Variants in JAKMIP1 observed in about 807,000 individuals in gnomAD.
JAKMIP1 encodes the protein janus kinase and microtubule interacting protein 1.
JAKMIP1 carries 33 observed loss-of-function variants against 113.0 expected under a neutral mutation model. The ratio of observed to expected loss-of-function variants is 0.29; its 90% CI spans 0.22 to 0.39. The LOEUF is 0.39. Among genes scored for constraint, JAKMIP1 ranks in the 10% least tolerant of loss-of-function variants. The probability of loss-of-function intolerance (pLI) is 1.00; values close to 1 mark genes in which losing one functional copy is unlikely to be tolerated. For missense variants in JAKMIP1, 813 were observed against 1,080.5 expected, an observed-to-expected ratio of 0.75 and a Z score of 3.47; for synonymous variants, 480 against 459.9, an observed-to-expected ratio of 1.04 and a Z score of -0.56.
intron 19 of JAKMIP1, 126 bp downstream of exon 19, chr4:6,035,778 C>G: frequency 1.2e-6 from 1 of 815,524 alleles, no homozygotes; most frequent in Non-Finnish European, 1.9e-6. Context: ...TTCTTGGAAA[C>G]TTGCTTTACC....
rs534914872 is a variant in JAKMIP1 at position 6,064,382 on chromosome 4, C to A, written c.1431+498G>T. 6.6e-6 allele frequency among the ~76,000 whole-genome samples: 1 copy of A among 152,124 alleles called. No individual in the cohort carries two copies. Among genetic ancestry groups the A allele is most frequent in the Non-Finnish European group, 1.5e-5 (1 of 68,016 alleles). On this transcript the variant is annotated intron_variant, in intron 9 of 20. Coordinates refer to ENST00000409021, the MANE Select transcript of JAKMIP1 (RefSeq NM_001099433.2). The surrounding 1 kb of genome is among the most constrained non-coding windows in gnomAD (Gnocchi z 4.3). ...CACAGGTGGTCAGGACAGGGTGAGG[C>A]GGTGACCTTGGGGTGATGGGACTTC...
chr4:6,033,076 C>A (rs1418815536), intron 19 of JAKMIP1, among the ~76,000 whole-genome samples: 3 of 152,218 alleles, frequency 2.0e-5, no homozygotes, highest in South Asian at 2.1e-4. Flanking sequence ...CAGGCAGAAC[C>A]TTTTACAAAA....
Position 6,200,020 on chromosome 4 carries a change from TGAAGA to T in JAKMIP1, c.-148+228_-148+232del, listed in dbSNP as rs1728276521. Reference sequence around the variant, plus strand: ...GGCTGGGAGATTTTGCAAGGGGGTCTGAAGAGGAGTGGGGGATGGGTATGGAAGGG... The same window carrying T: ...GGCTGGGAGATTTTGCAAGGGGGTCTGGAGTGGGGGATGGGTATGGAAGGG... On this transcript the variant is annotated intron_variant, in intron 1 of 20. Coordinates refer to ENST00000409021, the MANE Select transcript of JAKMIP1 (RefSeq NM_001099433.2). The surrounding 1 kb of genome is among the most constrained non-coding windows in gnomAD (Gnocchi z 7.0). Among the ~76,000 whole-genome samples the T allele has an allele frequency of 3.5e-5, 3 of 86,194 alleles. No homozygotes were observed. In the South Asian group the frequency reaches 1.2e-3, roughly 34 times the overall value. 56.5% of individuals were successfully genotyped at this position (86,194 alleles called of 152,430 possible).
At position 6,199,564 on chromosome 4, in the gene JAKMIP1, C is replaced by A. The variant is rs1215406853; in HGVS notation, c.-148+689G>T. On this transcript the variant is annotated intron_variant, in intron 1 of 20. Transcript: ENST00000409021. This position sits in a 1 kb window ranked among gnomAD's most constrained non-coding sequence, Gnocchi z 5.6. ...TCCGGAGGCCAGTGCGCCCAGGGCGCGCCGGCCCGGCAGGAGGGTGGGTGC... is the reference window on the plus strand; with the variant it reads ...TCCGGAGGCCAGTGCGCCCAGGGCGAGCCGGCCCGGCAGGAGGGTGGGTGC... Among the ~76,000 whole-genome samples the A allele has an allele frequency of 6.6e-6, 1 of 152,078 alleles. No individual in the cohort carries two copies. The highest frequency in any genetic ancestry group is 1.5e-5 in the Non-Finnish European group (1 of 67,962).
rs907370834 is a variant in JAKMIP1 at position 6,186,598 on chromosome 4, G to A, written c.-148+13655C>T. Among the ~76,000 whole-genome samples, 4 of 152,104 alleles carry A rather than the reference G, an allele frequency of 2.6e-5. No individual in the cohort carries two copies. The highest frequency in any genetic ancestry group is 5.9e-5 in the Non-Finnish European group (4 of 68,028). ...AGGTTGTATTAGGGCCTAGCATATG[G>A]TCTATCCTGGAAAATGATTCATGGG... On this transcript the variant is annotated intron_variant, in intron 1 of 20. Coordinates refer to ENST00000409021, the MANE Select transcript of JAKMIP1 (RefSeq NM_001099433.2). The surrounding 1 kb of genome is among the most constrained non-coding windows in gnomAD (Gnocchi z 5.5).
intron 1 of JAKMIP1, among the ~76,000 whole-genome samples, chr4:6,174,534 A>G (rs1725108986): frequency 6.6e-6 from 1 of 152,126 alleles, no homozygotes; most frequent in African/African-American, 2.4e-5. Context: ...GGCCACATGC[A>G]CCAGAGCGAA....
In JAKMIP1 at chr4:6,168,633, G is replaced by A. The variant is rs1207015963; in HGVS notation, c.-148+31620C>T. Reference sequence around the variant, plus strand: ...TGGCCAGGCACGGTGGCTCACACCTGTAATCCCAGCACTTTGGGAGGGCGA... The same window carrying A: ...TGGCCAGGCACGGTGGCTCACACCTATAATCCCAGCACTTTGGGAGGGCGA... On this transcript the variant is annotated intron_variant, in intron 1 of 20. Coordinates refer to ENST00000409021, the MANE Select transcript of JAKMIP1 (RefSeq NM_001099433.2). The surrounding 1 kb of genome is among the most constrained non-coding windows in gnomAD (Gnocchi z 4.6). 6.6e-6 allele frequency among the ~76,000 whole-genome samples: 1 copy of A among 152,144 alleles called. No individual in the cohort carries two copies. The highest frequency in any genetic ancestry group is 1.5e-5 in the Non-Finnish European group (1 of 68,034).
intron 3 of JAKMIP1, among the ~76,000 whole-genome samples, chr4:6,105,007 T>C (rs892101808): frequency 6.6e-6 from 1 of 152,224 alleles, no homozygotes; most frequent in African/African-American, 2.4e-5. Context: ...CTCTTTCCCC[T>C]TCCCTTTGGA....
chr4:6,085,335 C>T, intron 4 of JAKMIP1, 85 bp downstream of exon 4: 3 of 1,177,554 alleles, frequency 2.5e-6, no homozygotes. Flanking sequence ...CATGCCACCT[C>T]AGAGTCCTCT....
chr4:6,174,232 A>C (rs763085420), intron 1 of JAKMIP1, among the ~76,000 whole-genome samples: 8 of 152,206 alleles, frequency 5.3e-5, no homozygotes, highest in Non-Finnish European at 1.2e-4. Context: ...ATTAATATGA[A>C]AGAGCAGTTG....
chr4:6,060,514 G>A lies in JAKMIP1; in HGVS notation c.1561-7C>T. Reference sequence around the variant, plus strand: ...CTTGTAGCTGCTCCCGAGTCTGGAAGGGAAAAGACCAGGCAGTGAGCAGGT... The same window carrying A: ...CTTGTAGCTGCTCCCGAGTCTGGAAAGGAAAAGACCAGGCAGTGAGCAGGT... On this transcript the variant is annotated splice_region_variant and splice_polypyrimidine_tract_variant and intron_variant, in intron 10 of 20. Coordinates refer to ENST00000409021, the MANE Select transcript of JAKMIP1 (RefSeq NM_001099433.2). 1 of 1,612,614 alleles carries A rather than the reference G, an allele frequency of 6.2e-7. No individual in the cohort carries two copies. Among genetic ancestry groups the A allele is most frequent in the Non-Finnish European group, 8.5e-7 (1 of 1,178,684 alleles).
rs1344226694 is a variant in JAKMIP1, at chr4:6,029,585, T to G, written c.2445+131A>C. ...CTAGCGATTTCCATGAGATGCTGATTTAGGGGAAGAAGGGCAGAGAAAGGA... is the reference window on the plus strand; with the variant it reads ...CTAGCGATTTCCATGAGATGCTGATGTAGGGGAAGAAGGGCAGAGAAAGGA... On this transcript the variant is annotated intron_variant, in intron 20 of 20. Transcript: ENST00000409021. 15 of 660,426 alleles carry G rather than the reference T, an allele frequency of 2.3e-5. No homozygotes were observed. In the South Asian group the frequency reaches 2.4e-4, roughly 11 times the overall value. The allele number at this position is 660,426 out of a possible 1,614,324, so 40.9% of individuals were successfully genotyped here.
At chr4:6,085,726 C>CA in intron 3 of JAKMIP1, 97 bp from the exon 4 acceptor site, 1 of 1,120,820 alleles carries the variant, frequency 8.9e-7, no homozygotes, top group Non-Finnish European at 1.3e-6. Context: ...AAGGTCAAAG[C>CA]AGTGTCTCGG....
chr4:6,170,415 C>G (rs62637150), intron 1 of JAKMIP1, among the ~76,000 whole-genome samples: 1 of 3,672 alleles, frequency 2.7e-4, no homozygotes, highest in Non-Finnish European at 5.1e-4. Flanking sequence ...ACCGCCACCA[C>G]CACGACCATC....
chr4:6,173,919 T>C (rs1324019430), intron 1 of JAKMIP1, among the ~76,000 whole-genome samples: 1 of 150,658 alleles, frequency 6.6e-6, no homozygotes, highest in South Asian at 2.1e-4. Flanking sequence ...CTACTAAAAA[T>C]ACAAAAAAAA....
chr4:6,143,543 T>C lies in JAKMIP1; in HGVS notation c.-147-30546A>G, dbSNP rs932466248. On this transcript the variant is annotated intron_variant, in intron 1 of 20. Transcript: ENST00000409021. This position sits in a 1 kb window ranked among gnomAD's most constrained non-coding sequence, Gnocchi z 4.9. The stretch of plus-strand genomic sequence containing the variant: ...GGTCCCACCTGGCCTCTTTCAGTTA[T>C]GCCTCCAGCCCCTGGATAATATTTT... Among the ~76,000 whole-genome samples the C allele has an allele frequency of 2.6e-5, 4 of 152,360 alleles. No homozygotes were observed. The South Asian group carries it at 8.3e-4, about 32-fold the overall frequency.
intron 8 of JAKMIP1, among the ~76,000 whole-genome samples, chr4:6,077,632 G>A (rs1719873691): frequency 6.6e-6 from 1 of 151,630 alleles, no homozygotes; most frequent in Non-Finnish European, 1.5e-5. Context: ...GACTTCAGGT[G>A]CCACCACATC....
chr4:6,111,120 G>A (rs1385864861), intron 2 of JAKMIP1, among the ~76,000 whole-genome samples: 1 of 151,602 alleles, frequency 6.6e-6, no homozygotes. Context: ...CCTGAGCTGG[G>A]GTTGCAGCCA....
chr4:6,032,447 C>T (rs1712830324), intron 19 of JAKMIP1, among the ~76,000 whole-genome samples: 1 of 152,152 alleles, frequency 6.6e-6, no homozygotes. Context: ...GGCTGTGTGA[C>T]CTTGGACAAG....
Sources: gnomAD v4.1 joint callset for allele counts (sites outside exome capture counted in the v4.1 genomes callset) on GRCh38, gnomAD v4.1.1 for gene constraint, Gnocchi (gnomAD v3.1) non-coding constraint, MANE v1.5 for transcripts, NCBI Gene and HGNC (gene_info 2026-07-23, HGNC 2026-07-21) for gene names.